The following EPCAM variants were observed in gnomAD, a reference collection of about 807,000 sequenced individuals.
The protein encoded by EPCAM is adenocarcinoma-associated antigen.
In EPCAM, 39 loss-of-function variants were observed where a neutral mutation model predicts 40.0. The observed-to-expected ratio is 0.98, with a 90% confidence interval of 0.76 to 1.27. The LOEUF (loss-of-function observed/expected upper bound fraction) is 1.27. Among genes scored for constraint, EPCAM ranks in the 50% most tolerant of loss-of-function variants. The probability of loss-of-function intolerance (pLI) is 0.00; values close to 1 mark genes in which losing one functional copy is unlikely to be tolerated. For missense variants in EPCAM, 503 were observed against 381.2 expected (o/e 1.32, Z -2.66); for synonymous variants, 168 against 132.3 (o/e 1.27, Z -1.85).
intron 7 of EPCAM, 117 bp downstream of exon 7, chr2:47,380,086 C>T (rs982709851): frequency 2.7e-6 from 4 of 1,503,702 alleles, no homozygotes; most frequent in Admixed American, 2.0e-5. Flanking sequence ...GAGGCTGAGA[C>T]AGGTGGATCA....
chr2:47,374,067 A>G lies in EPCAM; in HGVS notation c.425+19A>G, dbSNP rs199550543. The stretch of plus-strand genomic sequence containing the variant: ...GAACCTAGTGAGTGGGGCTGCCTAT[A>G]CTACTTGTTTTCATGCTGTTCAGAT... On this transcript the variant is annotated intron_variant, in intron 3 of 8. Coordinates refer to ENST00000263735, the MANE Select transcript of EPCAM (RefSeq NM_002354.3). The G allele has an allele frequency of 8.3e-5, 134 of 1,613,712 alleles. No individual in the cohort carries two copies. The highest frequency in any genetic ancestry group is 1.6e-5 in the Non-Finnish European group (19 of 1,179,784).
chr2:47,369,371 G>T lies in EPCAM; in HGVS notation c.-135G>T. 1 of 1,197,064 alleles carries T rather than the reference G, an allele frequency of 8.4e-7. No homozygotes were observed. Among genetic ancestry groups the T allele is most frequent in the Non-Finnish European group, 1.1e-6 (1 of 916,588 alleles). 74.2% of individuals were successfully genotyped at this position (1,197,064 alleles called of 1,614,324 possible). On this transcript the variant is annotated 5_prime_UTR_variant, in exon 1 of 9. Coordinates refer to ENST00000263735, the MANE Select transcript of EPCAM (RefSeq NM_002354.3). ...GACGCGGTCCGGGGACCCCCTCGTCGCTGTCCTCCCGACGCGGACCCGCGT... is the reference window on the plus strand; with the variant it reads ...GACGCGGTCCGGGGACCCCCTCGTCTCTGTCCTCCCGACGCGGACCCGCGT...
chr2:47,372,693 T>C (rs1671306247), intron 1 of EPCAM, among the ~76,000 whole-genome samples: 1 of 145,530 alleles, frequency 6.9e-6, no homozygotes, highest in Admixed American at 6.8e-5. Flanking sequence ...AATCGCTTGA[T>C]CCTGGGAGAT....
intron 1 of EPCAM, among the ~76,000 whole-genome samples, chr2:47,370,569 C>T (rs1031873234): frequency 6.7e-6 from 1 of 149,436 alleles, no homozygotes; most frequent in Non-Finnish European, 1.5e-5. Flanking sequence ...GCCACCGTGC[C>T]CGGCCTATTT....
At chr2:47,376,847 A>G (rs1045020312) in intron 4 of EPCAM, among the ~76,000 whole-genome samples, 167 bp from the exon 5 acceptor site, 19 of 152,332 alleles carry the variant, frequency 1.2e-4, no homozygotes, top group African/African-American at 3.6e-4. Context: ...ATATCAATGG[A>G]TGATTCCAGC....
Position 47,369,404 on chromosome 2 carries a change from G to C in EPCAM, c.-102G>C. The stretch of plus-strand genomic sequence containing the variant: ...CCCGACGCGGACCCGCGTGCCCCAG[G>C]CCTCGCGCTGCCCGGCCGGCTCCTC... On this transcript the variant is annotated 5_prime_UTR_variant, in exon 1 of 9. Coordinates refer to ENST00000263735, the MANE Select transcript of EPCAM (RefSeq NM_002354.3). 8.1e-7 allele frequency: 1 copy of C among 1,231,248 alleles called. No homozygotes were observed. The highest frequency in any genetic ancestry group is 1.1e-6 in the Non-Finnish European group (1 of 947,012). The allele number at this position is 1,231,248 out of a possible 1,614,324, so 76.3% of individuals were successfully genotyped here.
At chr2:47,384,004 T>C (rs1671669394) in intron 7 of EPCAM, among the ~76,000 whole-genome samples, 1 of 152,112 alleles carries the variant, frequency 6.6e-6, no homozygotes, top group Admixed American at 6.6e-5. Context: ...TTTTCTGTTG[T>C]CCCATTGGAT....
intron 8 of EPCAM, among the ~76,000 whole-genome samples, chr2:47,386,224 GT>G (rs1671739240): frequency 6.6e-6 from 1 of 152,032 alleles, no homozygotes; most frequent in Non-Finnish European, 1.5e-5. Context: ...TTGAACTTGA[GT>G]TTCCCCACAT....
intron 5 of EPCAM, chr2:47,377,619 A>T (rs1671461345): frequency 3.5e-6 from 1 of 283,860 alleles, no homozygotes; most frequent in African/African-American, 2.3e-5. Flanking sequence ...AGTATCTCTT[A>T]GTATCCCTAA....
chr2:47,373,376 A>T, intron 1 of EPCAM, 87 bp from the exon 2 acceptor site: 1 of 851,712 alleles, frequency 1.2e-6, no homozygotes, highest in Non-Finnish European at 1.9e-6. Context: ...TTGTAACTTT[A>T]GGCATTATTA....
intron 7 of EPCAM, among the ~76,000 whole-genome samples, chr2:47,382,277 C>T (rs1018830667): frequency 6.6e-6 from 1 of 152,180 alleles, no homozygotes; most frequent in African/African-American, 2.4e-5. Flanking sequence ...ATAGAAATTT[C>T]AGATGGCAAA....
At chr2:47,370,432 A>AC (rs1476442846) in intron 1 of EPCAM, among the ~76,000 whole-genome samples, 1 of 149,784 alleles carries the variant, frequency 6.7e-6, no homozygotes, top group Non-Finnish European at 1.5e-5. Context: ...GCGCGCCACC[A>AC]CCCCCCGCTA....
intron 1 of EPCAM, chr2:47,369,889 A>C: frequency 2.1e-6 from 1 of 486,854 alleles, no homozygotes; most frequent in East Asian, 4.0e-5. Flanking sequence ...CGGCCACCGA[A>C]CCGGTGCCTC....
At chr2:47,380,607 A>G (rs1671560801) in intron 7 of EPCAM, among the ~76,000 whole-genome samples, 1 of 152,228 alleles carries the variant, frequency 6.6e-6, no homozygotes, top group Non-Finnish European at 1.5e-5. Flanking sequence ...AAACCACTCA[A>G]TAAGATGGAA....
chr2:47,381,664 T>C (rs1671594826), intron 7 of EPCAM, among the ~76,000 whole-genome samples: 1 of 152,158 alleles, frequency 6.6e-6, no homozygotes, highest in African/African-American at 2.4e-5. Context: ...TACAAAAAAG[T>C]AAACTCCCAA....
At chr2:47,371,235 G>C (rs189891317) in intron 1 of EPCAM, among the ~76,000 whole-genome samples, 2 of 152,298 alleles carry the variant, frequency 1.3e-5, no homozygotes, top group East Asian at 3.9e-4. Context: ...CTTAACTGTG[G>C]AATAAACAAC....
rs894216343 is a variant in EPCAM, at chr2:47,375,312, A to G, written c.491+13A>G. On this transcript the variant is annotated intron_variant, in intron 4 of 8. Coordinates refer to ENST00000263735, the MANE Select transcript of EPCAM (RefSeq NM_002354.3). ...AAAGTTTGCGGACGTAAGTGCAATT[A>G]AATGCATCATATTCTTGCACAGTTG... is the stretch of plus-strand genomic sequence containing the variant. The G allele has an allele frequency of 3.2e-6, 5 of 1,573,654 alleles. No homozygotes were observed. Among genetic ancestry groups the G allele is most frequent in the Non-Finnish European group, 4.4e-6 (5 of 1,143,220 alleles).
At chr2:47,379,558 G>T (rs1188386579) in intron 6 of EPCAM, among the ~76,000 whole-genome samples, 1 of 152,172 alleles carries the variant, frequency 6.6e-6, no homozygotes, top group Non-Finnish European at 1.5e-5. Context: ...AGGTACATGG[G>T]CATCATTGCA....
intron 7 of EPCAM, among the ~76,000 whole-genome samples, chr2:47,380,736 T>A (rs1426977807): frequency 6.6e-6 from 1 of 152,222 alleles, no homozygotes; most frequent in South Asian, 2.1e-4. Context: ...AAGAATGTAT[T>A]GCTTGAAGAA....
Sources: gnomAD v4.1 joint callset for allele counts (sites outside exome capture counted in the v4.1 genomes callset) on GRCh38, gnomAD v4.1.1 for gene constraint, MANE v1.5 for transcripts, NCBI Gene and HGNC (gene_info 2026-07-23, HGNC 2026-07-21) for gene names.